Variants in SYNGR1 observed in about 807,000 individuals in gnomAD.
The protein encoded by SYNGR1 is synaptogyrin-1.
Under a neutral mutation model 26.1 loss-of-function variants are expected in SYNGR1, and 14 were observed. The observed-to-expected ratio is 0.54, with a 90% confidence interval of 0.35 to 0.84. SYNGR1 has a LOEUF of 0.84. Ranked by LOEUF, SYNGR1 falls within the 40% of genes least tolerant of loss-of-function variation. The probability of loss-of-function intolerance (pLI) is 0.01; values close to 1 mark genes in which losing one functional copy is unlikely to be tolerated. For missense variants in SYNGR1, 319 were observed against 332.9 expected (o/e 0.96, Z 0.33); for synonymous variants, 141 against 150.1 (o/e 0.94, Z 0.44).
chr22:39,362,685 G>C (rs1924538294), intron 1 of SYNGR1, among the ~76,000 whole-genome samples: 1 of 152,186 alleles, frequency 6.6e-6, no homozygotes. Flanking sequence ...ACCAGGACAA[G>C]GGCAGGAAGG....
chr22:39,374,744 A>C, intron 2 of SYNGR1, 191 bp downstream of exon 2: 1 of 646,880 alleles, frequency 1.5e-6, no homozygotes, highest in East Asian at 2.7e-5. Flanking sequence ...GGGACCCCAA[A>C]ATAACCCATG....
At position 39,376,033 on chromosome 22, in the gene SYNGR1, C is replaced by T. The variant is rs373393208; in HGVS notation, c.338-19C>T. ...CATGTGTGGCACTGCCTATTCTGCC[C>T]GGTCCTGGGACCCCCCAGCCTTCTG... On this transcript the variant is annotated intron_variant, in intron 2 of 3. Coordinates refer to ENST00000328933, the MANE Select transcript of SYNGR1 (RefSeq NM_004711.5). The T allele has an allele frequency of 1.3e-5, 21 of 1,614,032 alleles. No individual in the cohort carries two copies. Among genetic ancestry groups the T allele is most frequent in the Middle Eastern group, 1.6e-4 (1 of 6,084 alleles).
At chr22:39,376,897 G>A (rs1211510243) in intron 3 of SYNGR1, 4 of 1,508,052 alleles carry the variant, frequency 2.7e-6, no homozygotes, top group South Asian at 1.3e-5. Flanking sequence ...TATATTGTGT[G>A]TGTCAAACAA....
chr22:39,374,637 C>G, intron 2 of SYNGR1, 84 bp downstream of exon 2: 2 of 1,428,784 alleles, frequency 1.4e-6, no homozygotes, highest in Non-Finnish European at 1.9e-6. Context: ...ACCCTTCTTC[C>G]CATGTTTCAG....
At chr22:39,357,122 G>T (rs1011313100) in intron 1 of SYNGR1, among the ~76,000 whole-genome samples, 1 of 152,114 alleles carries the variant, frequency 6.6e-6, no homozygotes, top group African/African-American at 2.4e-5. Context: ...GCCGGGTGTG[G>T]TGGTGCCTAG....
chr22:39,363,698 C>T (rs904353158), intron 1 of SYNGR1, among the ~76,000 whole-genome samples: 2 of 152,028 alleles, frequency 1.3e-5, no homozygotes, highest in Non-Finnish European at 2.9e-5. Flanking sequence ...CTGGCTGCTG[C>T]CTGGGGACTG....
At chr22:39,359,435 G>C (rs926221889) in intron 1 of SYNGR1, among the ~76,000 whole-genome samples, 190 of 150,038 alleles carry the variant, frequency 1.3e-3, no homozygotes, top group African/African-American at 4.4e-3. Flanking sequence ...TCCTGGCTGA[G>C]ACAGTGAAAC....
In SYNGR1 at chr22:39,377,484, A is replaced by C. The variant is rs1170214994; in HGVS notation, c.483+1287A>C. The stretch of plus-strand genomic sequence containing the variant: ...GAGGAGTAGTGGATGATTTCTAGCC[A>C]TGGGTCTGAAGTACCTGACCAACAG... On this transcript the variant is annotated intron_variant, in intron 3 of 3. Coordinates refer to ENST00000328933, the MANE Select transcript of SYNGR1 (RefSeq NM_004711.5). 2.6e-6 allele frequency: 4 copies of C among 1,538,576 alleles called. No homozygotes were observed. The East Asian group carries it at 9.7e-5, about 37-fold the overall frequency.
intron 1 of SYNGR1, among the ~76,000 whole-genome samples, chr22:39,358,540 C>G (rs954811738): frequency 2.0e-5 from 3 of 151,992 alleles, no homozygotes; most frequent in African/African-American, 7.3e-5. Flanking sequence ...AGACCACGAG[C>G]CCACCGGGAG....
intron 1 of SYNGR1, among the ~76,000 whole-genome samples, chr22:39,364,654 TGAA>T (rs1242079612): frequency 6.6e-6 from 1 of 151,994 alleles, no homozygotes; most frequent in Non-Finnish European, 1.5e-5. Context: ...CCATTGAAGA[TGAA>T]GAAGGTAGGA....
Position 39,350,067 on chromosome 22 carries a change from C to T in SYNGR1, c.57C>T (p.Thr19=). 1.4e-6 allele frequency: 2 copies of T among 1,466,274 alleles called. No individual in the cohort carries two copies. The highest frequency in any genetic ancestry group is 1.8e-6 in the Non-Finnish European group (2 of 1,096,082). 90.8% of individuals were successfully genotyped at this position (1,466,274 alleles called of 1,614,324 possible). A position where few individuals can be genotyped will look rare whatever the true frequency, so the allele number is the denominator to read the frequency against. ...CCGGGGGCGCCTTCGACCCCTACAC[C>T]CTGGTCCGGCAGCCGCACACCATCC... ...GKAGGAFDPY[T]LVRQPHTILR... The change falls in exon 1 of 4, where the codon ACC becomes ACT. Residue 19 remains threonine (T), a synonymous_variant. Coordinates refer to ENST00000328933, the MANE Select transcript of SYNGR1 (RefSeq NM_004711.5). This position sits in a 1 kb window ranked among gnomAD's most constrained non-coding sequence, Gnocchi z 4.3.
At position 39,350,165 on chromosome 22, in the gene SYNGR1, A is replaced by C; in HGVS notation, c.99+56A>C. Reference sequence around the variant, plus strand: ...GGCCGGGGTGGTGGGGGTGTGAGCAAAGGCGGCGCGCCCGGACCGACCCCG... The same window carrying C: ...GGCCGGGGTGGTGGGGGTGTGAGCACAGGCGGCGCGCCCGGACCGACCCCG... On this transcript the variant is annotated intron_variant, in intron 1 of 3. Coordinates refer to ENST00000328933, the MANE Select transcript of SYNGR1 (RefSeq NM_004711.5). This position sits in a 1 kb window ranked among gnomAD's most constrained non-coding sequence, Gnocchi z 4.3. The C allele has an allele frequency of 2.4e-6, 3 of 1,254,262 alleles. No homozygotes were observed. The highest frequency in any genetic ancestry group is 1.7e-5 in the South Asian group (1 of 59,048). The allele number at this position is 1,254,262 out of a possible 1,614,324, so 77.7% of individuals were successfully genotyped here.
At position 39,371,278 on chromosome 22, in the gene SYNGR1, A is replaced by G. The variant is rs147172885; in HGVS notation, c.100-3038A>G. Among the ~76,000 whole-genome samples, 1,139 of 151,718 alleles carry G rather than the reference A, an allele frequency of 7.5e-3. 20 individuals carry two copies. The highest frequency in any genetic ancestry group is 0.026 in the African/African-American group (1,079 of 41,370). On this transcript the variant is annotated intron_variant, in intron 1 of 3. Transcript: ENST00000328933. ...GATCACCTGAGGTCGGGAGTTTGAG[A>G]CCAGCCTGACCAACATGGAGGAACC...
intron 1 of SYNGR1, among the ~76,000 whole-genome samples, chr22:39,368,840 G>A (rs1317066291): frequency 6.6e-6 from 1 of 152,226 alleles, no homozygotes; most frequent in East Asian, 1.9e-4. Flanking sequence ...GTAAGTGTTC[G>A]AGAGGGGCCT....
At chr22:39,364,578 G>C (rs1924643447) in intron 1 of SYNGR1, among the ~76,000 whole-genome samples, 1 of 152,006 alleles carries the variant, frequency 6.6e-6, no homozygotes, top group Non-Finnish European at 1.5e-5. Flanking sequence ...GAAGTGGGTT[G>C]TCCCTGAAGG....
At position 39,382,287 on chromosome 22, in the gene SYNGR1, G is replaced by C; in HGVS notation, c.*373G>C. On this transcript the variant is annotated 3_prime_UTR_variant, in exon 4 of 4. Coordinates refer to ENST00000328933, the MANE Select transcript of SYNGR1 (RefSeq NM_004711.5). ...GCGATGAGCTGTGGAGGAAGCCCTG[G>C]TGGTACCAGAGGCCAGAATGGTGGG... is the stretch of plus-strand genomic sequence containing the variant. 2.8e-6 allele frequency: 1 copy of C among 362,830 alleles called. No homozygotes were observed. The highest frequency in any genetic ancestry group is 2.9e-5 in the South Asian group (1 of 34,918). 22.5% of individuals were successfully genotyped at this position (362,830 alleles called of 1,614,324 possible). A position where few individuals can be genotyped will look rare whatever the true frequency, so the allele number is the denominator to read the frequency against.
intron 1 of SYNGR1, among the ~76,000 whole-genome samples, chr22:39,361,448 A>T (rs1035368401): frequency 6.6e-6 from 1 of 150,794 alleles, no homozygotes; most frequent in African/African-American, 2.5e-5. Flanking sequence ...AACCTCCACA[A>T]TCGGGGTCAA....
At chr22:39,352,798 A>G (rs1342351156) in intron 1 of SYNGR1, among the ~76,000 whole-genome samples, 2 of 152,156 alleles carry the variant, frequency 1.3e-5, no homozygotes, top group Non-Finnish European at 2.9e-5. Flanking sequence ...GGACTCCTGG[A>G]CAACCCAGAC....
At chr22:39,378,060 CCTAGAGGCGTTCATGG>C in intron 3 of SYNGR1, 1 of 1,186,962 alleles carries the variant, frequency 8.4e-7, no homozygotes, top group Non-Finnish European at 1.1e-6. Context: ...ACATGGGCTG[CCTAGAGGCGTTCATGG>C]TCCCCATTGC....
Sources: allele counts gnomAD v4.1 joint callset (sites outside exome capture counted in the v4.1 genomes callset), GRCh38; gene constraint gnomAD v4.1.1; non-coding constraint Gnocchi (gnomAD v3.1); transcripts MANE v1.5; gene names NCBI Gene and HGNC (gene_info 2026-07-23, HGNC 2026-07-21).